The following CTNND2 variants were observed in gnomAD, a reference collection of about 807,000 sequenced individuals.
CTNND2 encodes the protein catenin delta-2.
Under a neutral mutation model 144.4 loss-of-function variants are expected in CTNND2, and 22 were observed. The ratio of observed to expected loss-of-function variants is 0.15; its 90% CI spans 0.11 to 0.22. The LOEUF is 0.22. Ranked by LOEUF, CTNND2 falls within the 10% of genes least tolerant of loss-of-function variation. The pLI is 1.00. For synonymous variants in CTNND2, 751 were observed against 695.6 expected, an observed-to-expected ratio of 1.08 and a Z score of -1.25; for missense variants, 1,353 against 1,618.8, an observed-to-expected ratio of 0.84 and a Z score of 2.82.
chr5:11,553,132 TTA>T (rs1775912505), intron 3 of CTNND2, among the ~76,000 whole-genome samples: 1 of 152,206 alleles, frequency 6.6e-6, no homozygotes, highest in Non-Finnish European at 1.5e-5. Context: ...GCATTCCCTA[TTA>T]TACATATGTT....
intron 2 of CTNND2, among the ~76,000 whole-genome samples, chr5:11,582,118 C>A (rs1778483348): frequency 6.6e-6 from 1 of 152,150 alleles, no homozygotes; most frequent in Non-Finnish European, 1.5e-5. Context: ...CTCATCTGGT[C>A]TGCATTACAG....
intron 9 of CTNND2, among the ~76,000 whole-genome samples, chr5:11,338,458 G>A (rs561491149): frequency 2.8e-4 from 43 of 152,308 alleles, no homozygotes; most frequent in African/African-American, 9.6e-4. Context: ...ACATGGATTT[G>A]GAAGAGAAGA....
intron 13 of CTNND2, among the ~76,000 whole-genome samples, chr5:11,113,803 G>C (rs771025186): frequency 1.8e-4 from 27 of 152,320 alleles, no homozygotes; most frequent in Non-Finnish European, 3.7e-4. Flanking sequence ...ACTGGAATGG[G>C]CAGGGGCTGC....
At chr5:11,657,403 CTTTG>C (rs1782969304) in intron 2 of CTNND2, among the ~76,000 whole-genome samples, 1 of 152,086 alleles carries the variant, frequency 6.6e-6, no homozygotes. Context: ...ATGCTAACAT[CTTTG>C]TATTTAGCTA....
At chr5:11,057,657 T>C (rs1024205413) in intron 16 of CTNND2, among the ~76,000 whole-genome samples, 5 of 152,212 alleles carry the variant, frequency 3.3e-5, no homozygotes, top group Non-Finnish European at 5.9e-5. Flanking sequence ...GGGGTGCTAC[T>C]GAAAAGTTAC....
At chr5:10,992,304 CT>C (rs1394346441) in intron 19 of CTNND2, among the ~76,000 whole-genome samples, 1 of 152,224 alleles carries the variant, frequency 6.6e-6, no homozygotes, top group Non-Finnish European at 1.5e-5. Context: ...CTCGTTCCTC[CT>C]GAATTCAGGT....
At chr5:11,272,524 A>G (rs1318594558) in intron 9 of CTNND2, among the ~76,000 whole-genome samples, 2 of 152,132 alleles carry the variant, frequency 1.3e-5, no homozygotes, top group East Asian at 3.8e-4. Context: ...ACAAAACCCA[A>G]TTTTTCCTTA....
intron 5 of CTNND2, among the ~76,000 whole-genome samples, chr5:11,400,722 T>C (rs940734958): frequency 2.0e-5 from 3 of 152,174 alleles, no homozygotes; most frequent in African/African-American, 7.2e-5. Flanking sequence ...CAATATGTTT[T>C]CACATGTATG....
chr5:11,822,514 C>T lies in CTNND2; in HGVS notation c.37+81303G>A, dbSNP rs745473945. Among the ~76,000 whole-genome samples, 8 of 152,100 alleles carry T rather than the reference C, an allele frequency of 5.3e-5. 1 individual carries two copies. The highest frequency in any genetic ancestry group is 1.9e-4 in the East Asian group (1 of 5,154). ...CTCAAAAACAGTCCCAAATAATTTC[C>T]GCATCCTGGTATTCACGGTCTTCTC... On this transcript the variant is annotated intron_variant, in intron 1 of 21. Transcript: ENST00000304623.
intron 3 of CTNND2, among the ~76,000 whole-genome samples, chr5:11,477,379 C>T (rs1310089241): frequency 9.9e-6 from 1 of 100,566 alleles, no homozygotes; most frequent in Non-Finnish European, 2.0e-5. Flanking sequence ...TACACATCAC[C>T]TATTTTTTTT....
intron 2 of CTNND2, among the ~76,000 whole-genome samples, chr5:11,695,021 G>T (rs114716813): frequency 3.9e-3 from 591 of 152,180 alleles, no homozygotes; most frequent in Admixed American, 7.2e-3. Context: ...GTCTTTCAAT[G>T]AATGTTGTTA....
intron 3 of CTNND2, among the ~76,000 whole-genome samples, chr5:11,462,328 C>T (rs948682058): frequency 6.6e-5 from 10 of 152,184 alleles, no homozygotes; most frequent in Admixed American, 6.5e-4. Flanking sequence ...CTCCTATAGG[C>T]CTGGCCTGGC....
intron 1 of CTNND2, among the ~76,000 whole-genome samples, chr5:11,792,419 C>T (rs7704747): frequency 0.014 from 2,202 of 152,278 alleles, 40 homozygotes; most frequent in African/African-American, 0.051. Context: ...TTATGTTTCG[C>T]TTTCCATTTT....
rs576667330 is a variant in CTNND2 at position 11,527,235 on chromosome 5, A to G, written c.287+37709T>C. Among the ~76,000 whole-genome samples, 5 of 152,282 alleles carry G rather than the reference A, an allele frequency of 3.3e-5. No individual in the cohort carries two copies. In the South Asian group the frequency reaches 8.3e-4, roughly 25 times the overall value. ...AATGGTAAATGTTATGTATTTTTTT[A>G]CCACAATAAAAAAAAAGAAAAAACT... On this transcript the variant is annotated intron_variant, in intron 3 of 21. Coordinates refer to ENST00000304623, the MANE Select transcript of CTNND2 (RefSeq NM_001332.4).
chr5:11,807,403 T>C (rs1792062178), intron 1 of CTNND2, among the ~76,000 whole-genome samples: 1 of 152,184 alleles, frequency 6.6e-6, no homozygotes. Flanking sequence ...ACGTACATCA[T>C]AACTCTAAGT....
intron 12 of CTNND2, among the ~76,000 whole-genome samples, chr5:11,154,407 C>T (rs963798888): frequency 6.6e-6 from 1 of 152,198 alleles, no homozygotes; most frequent in African/African-American, 2.4e-5. Context: ...GAACTCAATC[C>T]TGCTACAGGT....
chr5:11,707,306 C>A (rs1213571529), intron 2 of CTNND2, among the ~76,000 whole-genome samples: 3 of 152,156 alleles, frequency 2.0e-5, no homozygotes, highest in Non-Finnish European at 2.9e-5. Flanking sequence ...GGTGTGACTG[C>A]AGAAACAGAG....
At chr5:11,578,527 G>A (rs1197956040) in intron 2 of CTNND2, among the ~76,000 whole-genome samples, 1 of 152,078 alleles carries the variant, frequency 6.6e-6, no homozygotes, top group African/African-American at 2.4e-5. Context: ...CAGGCACGGT[G>A]GCACGCACCT....
chr5:11,560,542 G>C (rs1003598057), intron 3 of CTNND2, among the ~76,000 whole-genome samples: 1 of 152,270 alleles, frequency 6.6e-6, no homozygotes, highest in Non-Finnish European at 1.5e-5. Context: ...CCCATTCTTT[G>C]ACTGAAGGTT....
Sources: gnomAD v4.1 joint callset for allele counts (sites outside exome capture counted in the v4.1 genomes callset) on GRCh38, gnomAD v4.1.1 for gene constraint, MANE v1.5 for transcripts, NCBI Gene and HGNC (gene_info 2026-07-23, HGNC 2026-07-21) for gene names.